HAND2: variants seen among roughly 807,000 people sequenced by gnomAD.
HAND2 encodes the protein heart- and neural crest derivatives-expressed protein 2.
HAND2 carries 2 observed loss-of-function variants against 14.7 expected under a neutral mutation model. That is an observed-to-expected ratio of 0.14 (90% CI 0.06 to 0.43). HAND2 has a LOEUF of 0.43. Among genes scored for constraint, HAND2 ranks in the 20% least tolerant of loss-of-function variants. HAND2 has a pLI of 0.99. For missense variants in HAND2, 275 were observed against 313.6 expected, an observed-to-expected ratio of 0.88 and a Z score of 0.93; for synonymous variants, 162 against 135.9, an observed-to-expected ratio of 1.19 and a Z score of -1.34.
rs1314991860 is a variant in HAND2, at chr4:173,526,797, C to A, written c.*480G>T. ...ATACCGACCCCAACGGAAATGTTAG[C>A]GGCCCTGTTTTCTGCTTTGAAATAA... is the stretch of plus-strand genomic sequence containing the variant. On this transcript the variant is annotated 3_prime_UTR_variant, in exon 2 of 2. Transcript: ENST00000359562. 1.1e-5 allele frequency: 4 copies of A among 355,304 alleles called. No individual in the cohort carries two copies. The highest frequency in any genetic ancestry group is 2.2e-5 in the Non-Finnish European group (4 of 180,242). 22.0% of individuals were successfully genotyped at this position (355,304 alleles called of 1,614,324 possible). A position where few individuals can be genotyped will look rare whatever the true frequency, so the allele number is the denominator to read the frequency against.
chr4:173,526,997 C>G lies in HAND2; in HGVS notation c.*280G>C, dbSNP rs544592345. 1.6e-6 allele frequency: 1 copy of G among 609,688 alleles called. No homozygotes were observed. The highest frequency in any genetic ancestry group is 3.1e-6 in the Non-Finnish European group (1 of 325,674). The allele number at this position is 609,688 out of a possible 1,614,324, so 37.8% of individuals were successfully genotyped here. On this transcript the variant is annotated 3_prime_UTR_variant, in exon 2 of 2. Transcript: ENST00000359562. ...ATTCACGCACACAGAATCTATGAGA[C>G]GACGGGATCCCTTACCACACGGGAG...
Position 173,528,046 on chromosome 4 carries a change from A to C in HAND2, c.556-671T>G, listed in dbSNP as rs182047619. On this transcript the variant is annotated intron_variant, in intron 1 of 1. Transcript: ENST00000359562. The surrounding 1 kb of genome is among the most constrained non-coding windows in gnomAD (Gnocchi z 5.6). ...TACTTTCGTGTTATTTTTAATAACAATGACCATAGTAATGCCTTTTCCCCC... is the reference window on the plus strand; with the variant it reads ...TACTTTCGTGTTATTTTTAATAACACTGACCATAGTAATGCCTTTTCCCCC... The C allele has an allele frequency of 3.4e-3, 532 of 154,744 alleles. 3 individuals carry two copies. The highest frequency in any genetic ancestry group is 0.012 in the African/African-American group (508 of 41,604). 9.6% of individuals were successfully genotyped at this position (154,744 alleles called of 1,614,324 possible).
At chr4:173,527,406 G>C in intron 1 of HAND2, 31 bp from the exon 2 acceptor site, 1 of 1,488,188 alleles carries the variant, frequency 6.7e-7, no homozygotes, top group Non-Finnish European at 9.4e-7. Context: ...GGCGAGAAAA[G>C]TGGAAAGAGA....
At position 173,527,227 on chromosome 4, in the gene HAND2, G is replaced by T; in HGVS notation, c.*50C>A. The T allele has an allele frequency of 7.9e-7, 1 of 1,264,838 alleles. No individual in the cohort carries two copies. Among genetic ancestry groups the T allele is most frequent in the Non-Finnish European group, 1.2e-6 (1 of 868,866 alleles). 78.4% of individuals were successfully genotyped at this position (1,264,838 alleles called of 1,614,324 possible). A position where few individuals can be genotyped will look rare whatever the true frequency, so the allele number is the denominator to read the frequency against. On this transcript the variant is annotated 3_prime_UTR_variant, in exon 2 of 2. Coordinates refer to ENST00000359562, the MANE Select transcript of HAND2 (RefSeq NM_021973.3). ...CCGGAGTCCTGGGTCTGCATCTGGC[G>T]CCTTGGCCCCTGCTCACTCGCGCTC...
rs918326303 is a variant in HAND2 at position 173,529,652 on chromosome 4, G to C, written c.-363C>G. 3.3e-5 allele frequency: 5 copies of C among 152,592 alleles called. No individual in the cohort carries two copies. Among genetic ancestry groups the C allele is most frequent in the Non-Finnish European group, 7.3e-5 (5 of 68,078 alleles). The allele number at this position is 152,592 out of a possible 1,614,324, so 9.5% of individuals were successfully genotyped here. On this transcript the variant is annotated 5_prime_UTR_variant, in exon 1 of 2. Coordinates refer to ENST00000359562, the MANE Select transcript of HAND2 (RefSeq NM_021973.3). Reference sequence around the variant, plus strand: ...TGCTGCGCGGAGGCAGAATCCTCTCGTGCTCATACAAAGGTGCCGGGGCTC... The same window carrying C: ...TGCTGCGCGGAGGCAGAATCCTCTCCTGCTCATACAAAGGTGCCGGGGCTC...
rs1221315074 is a variant in HAND2, at chr4:173,529,299, C to A, written c.-10G>T. On this transcript the variant is annotated 5_prime_UTR_variant, in exon 1 of 2. Coordinates refer to ENST00000359562, the MANE Select transcript of HAND2 (RefSeq NM_021973.3). The stretch of plus-strand genomic sequence containing the variant: ...CACCTACCAGACTCATTTCGCCCTC[C>A]GCGCCCCTCCACGCGCCCCAGCGTG... The A allele has an allele frequency of 1.4e-5, 18 of 1,310,924 alleles. No homozygotes were observed. The highest frequency in any genetic ancestry group is 1.7e-5 in the Non-Finnish European group (18 of 1,038,306). The allele number at this position is 1,310,924 out of a possible 1,614,324, so 81.2% of individuals were successfully genotyped here.
intron 1 of HAND2, chr4:173,527,584 A>C (rs1051470485): frequency 3.4e-6 from 2 of 594,672 alleles, no homozygotes; most frequent in Non-Finnish European, 6.0e-6. Flanking sequence ...TGCAGCGCTC[A>C]ACAACCGGAT....
rs1199860031 is a variant in HAND2 at position 173,529,212 on chromosome 4, T to A, written c.78A>T (p.Ala26=). The change falls in exon 1 of 2, where the codon GCA becomes GCT. Residue 26 remains alanine (A), a synonymous_variant. Transcript: ENST00000359562. ...EGYPFAAAAA[A]AAAAAASRCS... is the part of the protein sequence containing the mutation. ...AGCGGCTGGCGGCGGCGGCGGCAGCTGCGGCGGCGGCGGCGGCAAACGGGT... is the reference window on the plus strand; with the variant it reads ...AGCGGCTGGCGGCGGCGGCGGCAGCAGCGGCGGCGGCGGCGGCAAACGGGT... 1.3e-5 allele frequency: 19 copies of A among 1,419,818 alleles called. No individual in the cohort carries two copies. Among genetic ancestry groups the A allele is most frequent in the South Asian group, 6.5e-5 (4 of 61,716 alleles). The allele number at this position is 1,419,818 out of a possible 1,614,324, so 88.0% of individuals were successfully genotyped here. A position where few individuals can be genotyped will look rare whatever the true frequency, so the allele number is the denominator to read the frequency against.
rs145889866 is a variant in HAND2 at position 173,528,677 on chromosome 4, G to A, written c.555+58C>T. 6.2e-4 allele frequency: 970 copies of A among 1,564,544 alleles called. 4 individuals are homozygous for A. In the African/African-American group the frequency reaches 0.012, roughly 19 times the overall value. On this transcript the variant is annotated intron_variant, in intron 1 of 1. Transcript: ENST00000359562. This position sits in a 1 kb window ranked among gnomAD's most constrained non-coding sequence, Gnocchi z 5.6. ...TTCTCAGCCCAATTGGAAAGAGGCC[G>A]GGAGCACCAGTTCCCTGACCCCCTC...
In HAND2 at chr4:173,530,079, T is replaced by G. The variant is rs544909428; in HGVS notation, c.-790A>C. 1.3e-5 allele frequency: 2 copies of G among 152,218 alleles called. No homozygotes were observed. Among genetic ancestry groups the G allele is most frequent in the East Asian group, 3.9e-4 (2 of 5,170 alleles). 9.4% of individuals were successfully genotyped at this position (152,218 alleles called of 1,614,324 possible). On this transcript the variant is annotated 5_prime_UTR_variant, in exon 1 of 2. Coordinates refer to ENST00000359562, the MANE Select transcript of HAND2 (RefSeq NM_021973.3). The surrounding 1 kb of genome is among the most constrained non-coding windows in gnomAD (Gnocchi z 6.2). ...CGGGGCAAGGATCTGGGGCCCTGAA[T>G]GAGCCTTGGAGCTCGAAGACCGCGG...
rs769848533 is a variant in HAND2 at position 173,529,015 on chromosome 4, A to G, written c.275T>C (p.Leu92Pro). Residue 92 changes from leucine (L) to proline (P), a missense_variant, in exon 1 of 2, where the codon CTG becomes CCG. Physicochemically the swap from Leu to Pro is moderately conservative, Grantham distance 98. This residue lies in a region of HAND2 where 175 missense variants were observed against 157.1 expected (regional missense o/e 1.11). Coordinates refer to ENST00000359562, the MANE Select transcript of HAND2 (RefSeq NM_021973.3). ...GVPPGAGPPGLGGPRPVKRRG... is the reference protein window; with the variant it reads ...GVPPGAGPPGPGGPRPVKRRG... ...GCGCTTCACCGGGCGCGGCCCCCCC[A>G]GGCCCGGGGGCCCGGCGCCCGGCGG... 6.3e-7 allele frequency: 1 copy of G among 1,578,366 alleles called. No homozygotes were observed. The highest frequency in any genetic ancestry group is 1.2e-5 in the South Asian group (1 of 85,644).
rs1460157508 is a variant in HAND2 at position 173,528,461 on chromosome 4, A to G, written c.555+274T>C. ...GATCGATCGCGACCCAGAGTTTTCA[A>G]GGTCCGTCCTAAGTACTAGGGGAGC... On this transcript the variant is annotated intron_variant, in intron 1 of 1. Coordinates refer to ENST00000359562, the MANE Select transcript of HAND2 (RefSeq NM_021973.3). This position sits in a 1 kb window ranked among gnomAD's most constrained non-coding sequence, Gnocchi z 5.6. The G allele has an allele frequency of 1.4e-5, 7 of 489,730 alleles. No homozygotes were observed. Among genetic ancestry groups the G allele is most frequent in the Non-Finnish European group, 3.7e-6 (1 of 267,804 alleles). 30.3% of individuals were successfully genotyped at this position (489,730 alleles called of 1,614,324 possible). A position where few individuals can be genotyped will look rare whatever the true frequency, so the allele number is the denominator to read the frequency against.
rs1212950364 is a variant in HAND2 at position 173,528,805 on chromosome 4, C to T, written c.485G>A (p.Gly162Asp). ...CTCTGCCTTGAAGGCCTCCGCCTCG[C>T]CATTCTGGTCGTCCTTGGCCAGCAG... ...MDLLAKDDQN[G>D]EAEAFKAEIK... Residue 162 changes from glycine to aspartate, a missense_variant, in exon 1 of 2, where the codon GGC (glycine) becomes GAC (aspartate). Physicochemically the swap from Gly to Asp is moderately conservative, Grantham distance 94 (BLOSUM62 -1). Around this residue, in one of 4 missense-constraint regions of HAND2, gnomAD observed 54 missense variants for 54.3 expected, o/e 0.99. Coordinates refer to ENST00000359562, the MANE Select transcript of HAND2 (RefSeq NM_021973.3). The surrounding 1 kb of genome is among the most constrained non-coding windows in gnomAD (Gnocchi z 5.6). The T allele has an allele frequency of 1.2e-6, 2 of 1,614,236 alleles. No individual in the cohort carries two copies. The highest frequency in any genetic ancestry group is 1.7e-6 in the Non-Finnish European group (2 of 1,180,042).
chr4:173,528,939 G>T lies in HAND2; in HGVS notation c.351C>A (p.Ser117Arg), dbSNP rs771868475. 1.2e-6 allele frequency: 2 copies of T among 1,613,988 alleles called. No individual in the cohort carries two copies. The highest frequency in any genetic ancestry group is 1.7e-6 in the Non-Finnish European group (2 of 1,179,980). Residue 117 changes from serine to arginine, a missense_variant, in exon 1 of 2, where the codon AGC becomes AGA. By Grantham distance (110) the Ser-to-Arg change is moderately radical. Coordinates refer to ENST00000359562, the MANE Select transcript of HAND2 (RefSeq NM_021973.3). This position sits in a 1 kb window ranked among gnomAD's most constrained non-coding sequence, Gnocchi z 5.6. ...KERRRTQSIN[S>R]AFAELRECIP... The stretch of plus-strand genomic sequence containing the variant: ...TGCACTCGCGCAGTTCGGCGAAGGC[G>T]CTGTTGATGCTCTGAGTCCTGCGCC...
chr4:173,527,450 C>A, intron 1 of HAND2, 75 bp from the exon 2 acceptor site: 1 of 982,356 alleles, frequency 1.0e-6, no homozygotes, highest in Admixed American at 1.7e-5. Context: ...CACACCAACC[C>A]GGAGCTTCCT....
chr4:173,527,607 A>G (rs1731499976), intron 1 of HAND2: 1 of 563,642 alleles, frequency 1.8e-6, no homozygotes, highest in South Asian at 2.1e-5. Flanking sequence ...ACAAGTTTAT[A>G]AACAACCGCC....
Position 173,529,170 on chromosome 4 carries a change from G to A in HAND2, c.120C>T (p.Asn40=). The part of the protein sequence containing the change: ...AAASRCSHEE[N]PYFHGWLIGH... ...CGATGAGCCAGCCATGGAAGTAGGGGTTCTCCTCATGGCTGCAGCGGCTGG... is the reference window on the plus strand; with the variant it reads ...CGATGAGCCAGCCATGGAAGTAGGGATTCTCCTCATGGCTGCAGCGGCTGG... Residue 40 remains asparagine (N), a synonymous_variant, in exon 1 of 2, where the codon AAC becomes AAT. Transcript: ENST00000359562. 1 of 1,473,088 alleles carries A rather than the reference G, an allele frequency of 6.8e-7. No individual in the cohort carries two copies. The highest frequency in any genetic ancestry group is 8.9e-7 in the Non-Finnish European group (1 of 1,122,394). 91.3% of individuals were successfully genotyped at this position (1,473,088 alleles called of 1,614,324 possible). A position where few individuals can be genotyped will look rare whatever the true frequency, so the allele number is the denominator to read the frequency against.
rs533022329 is a variant in HAND2 at position 173,528,467 on chromosome 4, G to A, written c.555+268C>T. On this transcript the variant is annotated intron_variant, in intron 1 of 1. Coordinates refer to ENST00000359562, the MANE Select transcript of HAND2 (RefSeq NM_021973.3). The surrounding 1 kb of genome is among the most constrained non-coding windows in gnomAD (Gnocchi z 5.6). ...TCGCGACCCAGAGTTTTCAAGGTCC[G>A]TCCTAAGTACTAGGGGAGCAGCGAT... The A allele has an allele frequency of 2.1e-4, 105 of 506,430 alleles. No homozygotes were observed. The highest frequency in any genetic ancestry group is 1.4e-3 in the Middle Eastern group (4 of 2,774). The allele number at this position is 506,430 out of a possible 1,614,324, so 31.4% of individuals were successfully genotyped here.
rs371100365 is a variant in HAND2, at chr4:173,527,237, C to A, written c.*40G>T. ...GGGTCTGCATCTGGCGCCTTGGCCC[C>A]TGCTCACTCGCGCTCTCCTCCTCCT... On this transcript the variant is annotated 3_prime_UTR_variant, in exon 2 of 2. Coordinates refer to ENST00000359562, the MANE Select transcript of HAND2 (RefSeq NM_021973.3). 4.3e-6 allele frequency: 6 copies of A among 1,411,696 alleles called. No individual in the cohort carries two copies. The African/African-American group carries it at 5.6e-5, about 13-fold the overall frequency. The allele number at this position is 1,411,696 out of a possible 1,614,324, so 87.4% of individuals were successfully genotyped here.
Sources: gnomAD v4.1 joint callset for allele counts on GRCh38, gnomAD v4.1.1 for gene constraint, gnomAD v4.1.1 regional missense constraint, Gnocchi (gnomAD v3.1) non-coding constraint, MANE v1.5 for transcripts, NCBI Gene and HGNC (gene_info 2026-07-23, HGNC 2026-07-21) for gene names.